The following APOLD1 variants were observed in gnomAD, a reference collection of about 807,000 sequenced individuals.
APOLD1 encodes the protein apolipoprotein L domain containing 1.
APOLD1 carries 22 observed loss-of-function variants against 15.3 expected under a neutral mutation model. The observed-to-expected ratio is 1.44, with a 90% confidence interval of 1.03 to 2.05. The LOEUF is 2.05. Ranked by LOEUF, APOLD1 falls within the 30% of genes most tolerant of loss-of-function variation. The pLI is 0.00. For missense variants in APOLD1, 394 were observed against 353.5 expected (o/e 1.11, Z -0.92); for synonymous variants, 190 against 167.4 (o/e 1.13, Z -1.04).
At chr12:12,757,937 C>CTTTT (rs144139766) in intron 1 of APOLD1, among the ~76,000 whole-genome samples, 11 of 121,398 alleles carry the variant, frequency 9.1e-5, no homozygotes, top group African/African-American at 1.9e-4. Flanking sequence ...AATTCAATAT[C>CTTTT]TTTTTTTTTT....
chr12:12,748,591 A>G (rs1946783250), intron 1 of APOLD1, among the ~76,000 whole-genome samples: 1 of 152,056 alleles, frequency 6.6e-6, no homozygotes, highest in African/African-American at 2.4e-5. Context: ...AACACTTATC[A>G]TTTTTTTGGG....
intron 1 of APOLD1, among the ~76,000 whole-genome samples, chr12:12,740,790 T>G (rs1159015820): frequency 8.0e-6 from 1 of 124,978 alleles, no homozygotes; most frequent in African/African-American, 2.6e-5. Context: ...ATTTGGAATC[T>G]TTTTTTATAA....
At chr12:12,751,791 A>G (rs540093629) in intron 1 of APOLD1, among the ~76,000 whole-genome samples, 1 of 152,348 alleles carries the variant, frequency 6.6e-6, no homozygotes, top group South Asian at 2.1e-4. Flanking sequence ...GATTAAGTTG[A>G]GGATCTTGAG....
chr12:12,784,364 G>A (rs1028975285), upstream of APOLD1, among the ~76,000 whole-genome samples: 4 of 152,110 alleles, frequency 2.6e-5, no homozygotes, highest in African/African-American at 9.7e-5. Flanking sequence ...AGATAGAGGA[G>A]GATATTCTTC....
intron 1 of APOLD1, among the ~76,000 whole-genome samples, chr12:12,730,663 G>T (rs1292005999): frequency 1.5e-5 from 2 of 132,642 alleles, no homozygotes; most frequent in African/African-American, 2.9e-5. Flanking sequence ...CCTGGGGGAC[G>T]AGATTGAGAC....
exon 1 of APOLD1, chr12:12,725,977 A>C: frequency 6.8e-7 from 1 of 1,467,084 alleles, no homozygotes. Context: ...GCGGGGACAG[A>C]GATGTAACCC....
chr12:12,731,941 C>T (rs1408087281), intron 1 of APOLD1, among the ~76,000 whole-genome samples: 2 of 152,214 alleles, frequency 1.3e-5, no homozygotes, highest in Non-Finnish European at 2.9e-5. Context: ...AGCTTAGTGG[C>T]ATCTCCTTAC....
chr12:12,779,164 A>G (rs1467251189), intron 1 of APOLD1, among the ~76,000 whole-genome samples: 1 of 152,158 alleles, frequency 6.6e-6, no homozygotes, highest in African/African-American at 2.4e-5. Flanking sequence ...CTCAAGATTC[A>G]GCTCAATATC....
chr12:12,777,763 A>G (rs987910411), intron 1 of APOLD1, among the ~76,000 whole-genome samples: 7 of 151,946 alleles, frequency 4.6e-5, no homozygotes, highest in South Asian at 4.2e-4. Context: ...GGGAAATTCA[A>G]CGTCTCAACC....
chr12:12,729,406 T>C (rs1946619370), intron 1 of APOLD1, among the ~76,000 whole-genome samples: 1 of 152,072 alleles, frequency 6.6e-6, no homozygotes, highest in Non-Finnish European at 1.5e-5. Context: ...ACAATAAACA[T>C]AGAATTCATA....
At chr12:12,728,753 T>C (rs1946614842) in intron 1 of APOLD1, among the ~76,000 whole-genome samples, 1 of 150,354 alleles carries the variant, frequency 6.7e-6, no homozygotes, top group Non-Finnish European at 1.5e-5. Context: ...GTTGTGACTC[T>C]GCCAAAAAAA....
At chr12:12,774,546 C>CAAAAAAAAAAAAAAAAA (rs57343706) in intron 1 of APOLD1, among the ~76,000 whole-genome samples, 5 of 42,288 alleles carry the variant, frequency 1.2e-4, no homozygotes, top group Admixed American at 4.3e-4. Flanking sequence ...ACTCTAACTC[C>CAAAAAAAAAAAAAAAAA]AAAAAAAAAA....
intron 1 of APOLD1, among the ~76,000 whole-genome samples, chr12:12,743,602 C>G (rs1374597505): frequency 6.6e-6 from 1 of 152,174 alleles, no homozygotes; most frequent in Non-Finnish European, 1.5e-5. Context: ...AGAATGCCCC[C>G]CTCCAAAGAG....
chr12:12,789,911 G>A lies in APOLD1; in HGVS notation c.*2259G>A, dbSNP rs2136404740. The A allele has an allele frequency of 1.3e-5, 2 of 152,108 alleles. No individual in the cohort carries two copies. The highest frequency in any genetic ancestry group is 4.1e-4 in the South Asian group (2 of 4,826). The allele number at this position is 152,108 out of a possible 1,614,324, so 9.4% of individuals were successfully genotyped here. On this transcript the variant is annotated 3_prime_UTR_variant, in exon 2 of 2. Transcript: ENST00000356591. Reference sequence around the variant, plus strand: ...TACATTTTTATTTTTTCTATAAATTGCAATTGGTCTGTATGCTGGTTTATT... The same window carrying A: ...TACATTTTTATTTTTTCTATAAATTACAATTGGTCTGTATGCTGGTTTATT...
At chr12:12,765,511 A>T (rs1164234050) in intron 1 of APOLD1, among the ~76,000 whole-genome samples, 1 of 152,254 alleles carries the variant, frequency 6.6e-6, no homozygotes, top group Non-Finnish European at 1.5e-5. Context: ...TAAACATTTA[A>T]TTCACTTAAG....
At chr12:12,785,381 G>A (rs912398347), upstream of APOLD1, among the ~76,000 whole-genome samples, 1 of 152,168 alleles carries the variant, frequency 6.6e-6, no homozygotes, top group Non-Finnish European at 1.5e-5. Context: ...GGAAAGGCAG[G>A]GTATCCCACT....
At chr12:12,783,636 T>G (rs1223255331), upstream of APOLD1, among the ~76,000 whole-genome samples, 2 of 150,666 alleles carry the variant, frequency 1.3e-5, no homozygotes, top group East Asian at 3.9e-4. Context: ...TTTTGTTTTT[T>G]TTTTTTTTGC....
intron 1 of APOLD1, among the ~76,000 whole-genome samples, chr12:12,755,973 C>G (rs1946854873): frequency 1.3e-5 from 2 of 152,216 alleles, no homozygotes; most frequent in Non-Finnish European, 2.9e-5. Flanking sequence ...ATTCCTTAAA[C>G]TAAACCTTTC....
At chr12:12,726,149 T>C in intron 1 of APOLD1, 1 of 396,754 alleles carries the variant, frequency 2.5e-6, no homozygotes, top group Non-Finnish European at 4.3e-6. Context: ...GAACACCTCT[T>C]CGCAACCAAA....
Sources: allele counts gnomAD v4.1 joint callset (sites outside exome capture counted in the v4.1 genomes callset), GRCh38; gene constraint gnomAD v4.1.1; transcripts MANE v1.5; gene names NCBI Gene and HGNC (gene_info 2026-07-23, HGNC 2026-07-21).